CPA6: variants seen among roughly 807,000 people sequenced by gnomAD.
CPA6 encodes carboxypeptidase A6, also known as carboxypeptidase B.
In CPA6, 58 loss-of-function variants were observed where a neutral mutation model predicts 63.3. The ratio of observed to expected loss-of-function variants is 0.92; its 90% CI spans 0.74 to 1.14. CPA6 has a LOEUF of 1.14. Ranked by LOEUF, CPA6 falls within the 50% of genes most tolerant of loss-of-function variation. The pLI, the probability that CPA6 is intolerant of heterozygous loss-of-function variation, is 0.00. For missense variants in CPA6, 565 were observed against 526.6 expected, an observed-to-expected ratio of 1.07 and a Z score of -0.71; for synonymous variants, 185 against 179.0, an observed-to-expected ratio of 1.03 and a Z score of -0.27.
intron 2 of CPA6, among the ~76,000 whole-genome samples, chr8:67,534,561 T>C (rs1287974908): frequency 1.3e-5 from 2 of 152,234 alleles, no homozygotes; most frequent in Non-Finnish European, 2.9e-5. Flanking sequence ...ACTCATAGAA[T>C]AGATGCACAT....
chr8:67,724,566 C>A (rs1371052298), intron 1 of CPA6, among the ~76,000 whole-genome samples: 1 of 152,188 alleles, frequency 6.6e-6, no homozygotes, highest in Non-Finnish European at 1.5e-5. Flanking sequence ...GAGAAGACAC[C>A]TGTGTAGCAC....
chr8:67,454,690 T>C (rs1810631092), intron 8 of CPA6, among the ~76,000 whole-genome samples: 1 of 152,206 alleles, frequency 6.6e-6, no homozygotes, highest in South Asian at 2.1e-4. Context: ...GCGGAATATA[T>C]AACAGATCTC....
At chr8:67,606,732 A>G (rs535197309) in intron 2 of CPA6, among the ~76,000 whole-genome samples, 1 of 152,108 alleles carries the variant, frequency 6.6e-6, no homozygotes, top group Non-Finnish European at 1.5e-5. Flanking sequence ...CTGCTCTCTG[A>G]TATCTCTGGA....
chr8:67,509,580 T>G lies in CPA6; in HGVS notation c.471A>C (p.Ser157=). The G allele has an allele frequency of 3.1e-6, 5 of 1,599,370 alleles. No individual in the cohort carries two copies. The highest frequency in any genetic ancestry group is 4.3e-6 in the Non-Finnish European group (5 of 1,170,276). Residue 157 remains serine (S), a synonymous_variant, in exon 5 of 11, where the codon TCA becomes TCC. Transcript: ENST00000297770. ...CAATAGAGAACATGTGAATGAGGCC[T>G]GAGTGAGTTTTATTCAGATGATGCA... is the stretch of plus-strand genomic sequence containing the variant. The part of the protein sequence containing the change: ...NWMHHLNKTH[S]GLIHMFSIGR...
At chr8:67,642,335 T>A (rs1339961740) in intron 1 of CPA6, among the ~76,000 whole-genome samples, 2 of 150,154 alleles carry the variant, frequency 1.3e-5, no homozygotes, top group Non-Finnish European at 3.0e-5. Context: ...AAAAAAAATA[T>A]TGATTAAAAG....
At chr8:67,662,098 G>A (rs1816122680) in intron 1 of CPA6, among the ~76,000 whole-genome samples, 2 of 152,132 alleles carry the variant, frequency 1.3e-5, no homozygotes, top group African/African-American at 4.8e-5. Context: ...AGGTTCTGGG[G>A]GAGGCAGGTA....
intron 2 of CPA6, among the ~76,000 whole-genome samples, chr8:67,618,403 G>A (rs1815006367): frequency 6.6e-6 from 1 of 152,128 alleles, no homozygotes; most frequent in African/African-American, 2.4e-5. Context: ...AGTGCACCAA[G>A]GAGGATTAGA....
Position 67,428,064 on chromosome 8 carries a change from G to C in CPA6, c.1109C>G (p.Pro370Arg). 6.2e-7 allele frequency: 1 copy of C among 1,610,800 alleles called. No individual in the cohort carries two copies. The highest frequency in any genetic ancestry group is 8.5e-7 in the Non-Finnish European group (1 of 1,177,254). The change falls in exon 10 of 11, where the codon CCA (proline) becomes CGA (arginine). Residue 370 changes from proline to arginine, a missense_variant. Transcript: ENST00000297770. ...AAACTTACACAACGTTGTGGAGGCT[G>C]GTCCATATCTGTATCGTACCCCGTA... Reference protein sequence around the residue: ...SVYGVRYRYGPASTTLYVSSG... With the variant: ...SVYGVRYRYGRASTTLYVSSG...
At position 67,592,447 on chromosome 8, in the gene CPA6, G is replaced by C. The variant is rs1260504806; in HGVS notation, c.192+31729C>G. ...CCCTCTTTTTCTATTGATTGGAATAGTTTCAGAAGGAATGGTACCAGTTCC... is the reference window on the plus strand; with the variant it reads ...CCCTCTTTTTCTATTGATTGGAATACTTTCAGAAGGAATGGTACCAGTTCC... On this transcript the variant is annotated intron_variant, in intron 2 of 10. Coordinates refer to ENST00000297770, the MANE Select transcript of CPA6 (RefSeq NM_020361.5). 5.3e-5 allele frequency among the ~76,000 whole-genome samples: 8 copies of C among 151,990 alleles called. No homozygotes were observed. In the South Asian group the frequency reaches 8.3e-4, roughly 16 times the overall value.
rs189530527 is a variant in CPA6 at position 67,463,164 on chromosome 8, C to T, written c.838+20604G>A. Among the ~76,000 whole-genome samples the T allele has an allele frequency of 2.3e-3, 344 of 152,234 alleles. 2 individuals are homozygous for T. Among genetic ancestry groups the T allele is most frequent in the Non-Finnish European group, 4.3e-3 (294 of 68,012 alleles). The stretch of plus-strand genomic sequence containing the variant: ...TTTGTTCTTTAAAGAAGAATTCTGG[C>T]CAGGCACCATGGCTCATGCCTGTAA... On this transcript the variant is annotated intron_variant, in intron 8 of 10. Transcript: ENST00000297770.
intron 8 of CPA6, among the ~76,000 whole-genome samples, chr8:67,482,862 A>G (rs569917924): frequency 5.9e-5 from 9 of 152,330 alleles, no homozygotes; most frequent in African/African-American, 1.4e-4. Flanking sequence ...TTATTTGCCA[A>G]TTCTAATTGA....
chr8:67,640,107 C>A (rs1815556343), intron 1 of CPA6, among the ~76,000 whole-genome samples: 1 of 151,316 alleles, frequency 6.6e-6, no homozygotes, highest in Non-Finnish European at 1.5e-5. Flanking sequence ...GGTCCATGGG[C>A]AGCCATGGGT....
At chr8:67,576,819 G>T (rs1489373722) in intron 2 of CPA6, among the ~76,000 whole-genome samples, 1 of 151,964 alleles carries the variant, frequency 6.6e-6, no homozygotes, top group Non-Finnish European at 1.5e-5. Flanking sequence ...GTGGGTGGAA[G>T]GAACAGGTAG....
chr8:67,642,366 A>C (rs543222234), intron 1 of CPA6, among the ~76,000 whole-genome samples: 23 of 152,284 alleles, frequency 1.5e-4, no homozygotes, highest in Non-Finnish European at 2.8e-4. Flanking sequence ...GGATGTAAAC[A>C]GAGACACACC....
At chr8:67,631,803 A>T (rs551649302) in intron 1 of CPA6, among the ~76,000 whole-genome samples, 166 of 152,262 alleles carry the variant, frequency 1.1e-3, no homozygotes, top group Non-Finnish European at 2.0e-3. Flanking sequence ...GGCCAGCGAG[A>T]TCATGAACCC....
At chr8:67,552,304 G>A (rs918578395) in intron 2 of CPA6, among the ~76,000 whole-genome samples, 2 of 152,200 alleles carry the variant, frequency 1.3e-5, no homozygotes, top group Admixed American at 1.3e-4. Context: ...TATTTGCCTA[G>A]TGGAAGTTTT....
At chr8:67,607,251 T>TCTTCTCCTTCTCCTCCTC (rs1554679725) in intron 2 of CPA6, among the ~76,000 whole-genome samples, 1 of 81,094 alleles carries the variant, frequency 1.2e-5, no homozygotes, top group African/African-American at 6.5e-5. Context: ...TTCTTCTTCT[T>TCTTCTCCTTCTCCTCCTC]CTCCTCCTCC....
At chr8:67,734,555 C>A (rs1817778214) in intron 1 of CPA6, among the ~76,000 whole-genome samples, 1 of 152,164 alleles carries the variant, frequency 6.6e-6, no homozygotes, top group Non-Finnish European at 1.5e-5. Flanking sequence ...GAGAACTGGA[C>A]TCCCCCATAT....
intron 2 of CPA6, among the ~76,000 whole-genome samples, chr8:67,567,251 A>C (rs1011383347): frequency 2.6e-5 from 4 of 152,218 alleles, no homozygotes; most frequent in African/African-American, 9.6e-5. Flanking sequence ...GCCAGGGCAG[A>C]TTTAGGTCTT....
Sources: allele counts gnomAD v4.1 joint callset (sites outside exome capture counted in the v4.1 genomes callset), GRCh38; gene constraint gnomAD v4.1.1; transcripts MANE v1.5; gene names NCBI Gene and HGNC (gene_info 2026-07-23, HGNC 2026-07-21).